N4BP1: variants seen among roughly 807,000 people sequenced by gnomAD.
The protein encoded by N4BP1 is NEDD4-binding protein 1.
Under a neutral mutation model 70.9 loss-of-function variants are expected in N4BP1, and 21 were observed. The observed-to-expected ratio is 0.30, with a 90% CI of 0.21 to 0.43. The LOEUF (loss-of-function observed/expected upper bound fraction) is 0.43, where lower values mean the gene tolerates loss of function less well. Ranked by LOEUF, N4BP1 falls within the 20% of genes least tolerant of loss-of-function variation. The probability of loss-of-function intolerance (pLI) is 1.00; values close to 1 mark genes in which losing one functional copy is unlikely to be tolerated. For missense variants in N4BP1, 936 were observed against 1,069.4 expected, an observed-to-expected ratio of 0.88 and a Z score of 1.74; for synonymous variants, 387 against 394.6, an observed-to-expected ratio of 0.98 and a Z score of 0.23.
rs1197677972 is a variant in N4BP1 at position 48,541,999 on chromosome 16, A to G, written c.*905T>C. 6.5e-6 allele frequency: 1 copy of G among 152,712 alleles called. No individual in the cohort carries two copies. The highest frequency in any genetic ancestry group is 1.9e-4 in the East Asian group (1 of 5,204). 9.5% of individuals were successfully genotyped at this position (152,712 alleles called of 1,614,324 possible). On this transcript the variant is annotated 3_prime_UTR_variant, in exon 7 of 7. Coordinates refer to ENST00000262384, the MANE Select transcript of N4BP1 (RefSeq NM_153029.4). ...GCAGTTGGGGACACAAGATGGCCAC[A>G]GTGACCGGGCTCTTCATTAAACTTC...
Position 48,609,842 on chromosome 16 carries a change from T to C in N4BP1, c.131A>G (p.Glu44Gly). ...CCAGATGCGCGCGGGCAGCGGCTCC[T>C]CAGCCCCTAGCGCGCCGAGCACGGC... Reference protein sequence around the residue: ...SLAVLGALGAEEPLPARIWLQ... With the variant: ...SLAVLGALGAGEPLPARIWLQ... The change falls in exon 1 of 7, where the codon GAG (glutamate) becomes GGG (glycine). Residue 44 changes from glutamate (E) to glycine (G), a missense_variant. By Grantham distance (98) the Glu-to-Gly change is moderately conservative. Around this residue, in one of 4 missense-constraint regions of N4BP1, gnomAD observed 187 missense variants for 217.1 expected, o/e 0.86. Transcript: ENST00000262384. The C allele has an allele frequency of 6.7e-7, 1 of 1,490,006 alleles. No homozygotes were observed. The highest frequency in any genetic ancestry group is 1.2e-5 in the South Asian group (1 of 80,178). The allele number at this position is 1,490,006 out of a possible 1,614,324, so 92.3% of individuals were successfully genotyped here. A position where few individuals can be genotyped will look rare whatever the true frequency, so the allele number is the denominator to read the frequency against.
At chr16:48,565,320 G>T (rs1963925720) in intron 1 of N4BP1, among the ~76,000 whole-genome samples, 1 of 152,146 alleles carries the variant, frequency 6.6e-6, no homozygotes, top group South Asian at 2.1e-4. Context: ...TTATCACATT[G>T]AGGAAGTTAC....
At chr16:48,564,898 G>A (rs1294969267) in intron 1 of N4BP1, among the ~76,000 whole-genome samples, 4 of 152,100 alleles carry the variant, frequency 2.6e-5, no homozygotes, top group East Asian at 3.8e-4. Context: ...TAGATTTCAC[G>A]TTTTAAGAAT....
At chr16:48,584,233 CA>C (rs958201082) in intron 1 of N4BP1, among the ~76,000 whole-genome samples, 1 of 152,204 alleles carries the variant, frequency 6.6e-6, no homozygotes, top group Non-Finnish European at 1.5e-5. Flanking sequence ...TGAGACACCT[CA>C]AGAAAATCTG....
chr16:48,540,803 G>A lies in N4BP1; in HGVS notation c.*2101C>T, dbSNP rs189200899. On this transcript the variant is annotated 3_prime_UTR_variant, in exon 7 of 7. Coordinates refer to ENST00000262384, the MANE Select transcript of N4BP1 (RefSeq NM_153029.4). ...AGCCACACTGAGGCTAGTACTGGAG[G>A]AGGCTGAGAACCAGTAATGAGTTCT... 2 of 152,372 alleles carry A rather than the reference G, an allele frequency of 1.3e-5. No homozygotes were observed. The highest frequency in any genetic ancestry group is 1.9e-4 in the East Asian group (1 of 5,180). 9.4% of individuals were successfully genotyped at this position (152,372 alleles called of 1,614,324 possible). A position where few individuals can be genotyped will look rare whatever the true frequency, so the allele number is the denominator to read the frequency against.
Position 48,561,541 on chromosome 16 carries a change from T to G in N4BP1, c.1102A>C (p.Ile368Leu), listed in dbSNP as rs1308132098. 2 of 1,613,788 alleles carry G rather than the reference T, an allele frequency of 1.2e-6. No homozygotes were observed. The highest frequency in any genetic ancestry group is 2.7e-5 in the African/African-American group (2 of 74,954). Residue 368 changes from isoleucine (I) to leucine (L), a missense_variant, in exon 2 of 7, where the codon ATT (isoleucine) becomes CTT (leucine). Coordinates refer to ENST00000262384, the MANE Select transcript of N4BP1 (RefSeq NM_153029.4). ...TCAGTAGATGGTCCATACACCTTAA[T>G]GACCTTTTCAACAATTTCTTGGGAG... ...GYSQEIVEKVIKVYGPSTEPL... is the reference protein window; with the variant it reads ...GYSQEIVEKVLKVYGPSTEPL...
intron 1 of N4BP1, among the ~76,000 whole-genome samples, chr16:48,583,819 C>T (rs973986266): frequency 6.6e-6 from 1 of 152,066 alleles, no homozygotes; most frequent in Non-Finnish European, 1.5e-5. Context: ...AGAGTAGTAC[C>T]CACTCAGATG....
chr16:48,557,609 T>A (rs1352849416), intron 2 of N4BP1, among the ~76,000 whole-genome samples: 1 of 152,110 alleles, frequency 6.6e-6, no homozygotes, highest in East Asian at 1.9e-4. Context: ...GCCACTGGAA[T>A]AGTAACCATG....
intron 1 of N4BP1, among the ~76,000 whole-genome samples, chr16:48,586,899 A>G (rs1346560580): frequency 5.9e-5 from 9 of 152,142 alleles, no homozygotes; most frequent in African/African-American, 2.2e-4. Flanking sequence ...CACACTTTAC[A>G]AGATAGAATG....
chr16:48,594,446 A>T (rs1160883478), intron 1 of N4BP1, among the ~76,000 whole-genome samples: 1 of 152,142 alleles, frequency 6.6e-6, no homozygotes, highest in Non-Finnish European at 1.5e-5. Context: ...CCTCTGCCTC[A>T]TGAGTTCAAG....
chr16:48,561,197 A>G lies in N4BP1; in HGVS notation c.1446T>C (p.Ile482=). 1 of 1,613,984 alleles carries G rather than the reference A, an allele frequency of 6.2e-7. No individual in the cohort carries two copies. Among genetic ancestry groups the G allele is most frequent in the East Asian group, 2.2e-5 (1 of 44,884 alleles). ...CATCAGTTTCAGGGTCTGTGTTACA[A>G]ATGTAGTTCTGGTTTGAACCCCAGA... ...HEVWGSNQNY[I]CNTDPETDGL... Residue 482 remains isoleucine (I), a synonymous_variant, in exon 2 of 7, where the codon ATT becomes ATC. Transcript: ENST00000262384.
intron 3 of N4BP1, 121 bp from the exon 4 acceptor site, chr16:48,551,603 A>G (rs1963666687): frequency 1.7e-6 from 1 of 588,598 alleles, no homozygotes; most frequent in African/African-American, 1.9e-5. Flanking sequence ...TTTTCTATTG[A>G]CTCAATTTTA....
chr16:48,564,812 CATTT>C (rs1567433171), intron 1 of N4BP1, among the ~76,000 whole-genome samples: 1 of 152,168 alleles, frequency 6.6e-6, no homozygotes, highest in African/African-American at 2.4e-5. Flanking sequence ...TATTTCTCTC[CATTT>C]ATTTAGATTT....
chr16:48,600,337 G>A (rs1964476625), intron 1 of N4BP1: 2 of 909,316 alleles, frequency 2.2e-6, no homozygotes, highest in Non-Finnish European at 1.8e-6. Context: ...CGGAAAGCAG[G>A]TGGCAAAGAG....
intron 1 of N4BP1, among the ~76,000 whole-genome samples, chr16:48,585,092 T>C (rs1416363832): frequency 6.6e-6 from 1 of 151,938 alleles, no homozygotes; most frequent in Admixed American, 6.6e-5. Context: ...CCACCATGCC[T>C]GGCTAATTTT....
chr16:48,547,807 C>T (rs1179237089), intron 5 of N4BP1, among the ~76,000 whole-genome samples, 200 bp downstream of exon 5: 1 of 152,234 alleles, frequency 6.6e-6, no homozygotes, highest in African/African-American at 2.4e-5. Flanking sequence ...AGCTCTGCTG[C>T]TCTGTGCTGG....
intron 3 of N4BP1, among the ~76,000 whole-genome samples, chr16:48,553,097 C>T (rs921772680): frequency 2.0e-5 from 3 of 152,138 alleles, no homozygotes; most frequent in Non-Finnish European, 4.4e-5. Context: ...TCAAATCTTT[C>T]GTGTGTGGCC....
intron 2 of N4BP1, among the ~76,000 whole-genome samples, chr16:48,559,045 T>C (rs1304491259): frequency 1.3e-5 from 2 of 152,168 alleles, no homozygotes; most frequent in Non-Finnish European, 1.5e-5. Context: ...TTTATGACCA[T>C]ATATCTGAGA....
At chr16:48,573,829 G>C in intron 1 of N4BP1, among the ~76,000 whole-genome samples, 1 of 152,076 alleles carries the variant, frequency 6.6e-6, no homozygotes, top group East Asian at 1.9e-4. Context: ...TCATAATAAA[G>C]TAAGCTAGAG....
Sources: allele counts gnomAD v4.1 joint callset (sites outside exome capture counted in the v4.1 genomes callset), GRCh38; gene constraint gnomAD v4.1.1; regional missense constraint gnomAD v4.1.1; transcripts MANE v1.5; gene names NCBI Gene and HGNC (gene_info 2026-07-23, HGNC 2026-07-21).